ZC3H12B: variants seen among roughly 807,000 people sequenced by gnomAD.
ZC3H12B encodes zinc finger CCCH-type containing 12B, also known as probable ribonuclease ZC3H12B.
In ZC3H12B, 7 loss-of-function variants were observed where a neutral mutation model predicts 43.9. That is an observed-to-expected ratio of 0.16 (90% CI 0.09 to 0.30). ZC3H12B has a LOEUF of 0.30. Ranked by LOEUF, ZC3H12B falls within the 10% of genes least tolerant of loss-of-function variation. The probability of loss-of-function intolerance (pLI) is 1.00; values close to 1 mark genes in which losing one functional copy is unlikely to be tolerated. For missense variants in ZC3H12B, 475 were observed against 670.2 expected (o/e 0.71, Z 3.22); for synonymous variants, 222 against 241.7 (o/e 0.92, Z 0.76).
chrX:65,146,980 T>C, the ZC3H12B span, among the ~76,000 whole-genome samples: 17 of 112,122 alleles, frequency 1.5e-4, no homozygotes, highest in African/African-American at 5.5e-4. Flanking sequence ...AGCCTCCACA[T>C]GCCACTCTGT....
chrX:65,136,894 A>G, the ZC3H12B span, among the ~76,000 whole-genome samples: 13 of 112,160 alleles, frequency 1.2e-4, no homozygotes, highest in East Asian at 2.8e-4. Flanking sequence ...AAAGTGGACC[A>G]TGTGATTTAA....
At chrX:65,073,233 A>G in the ZC3H12B span, among the ~76,000 whole-genome samples, 1 of 112,919 alleles carries the variant, frequency 8.9e-6, no homozygotes, top group African/African-American at 3.2e-5. Context: ...GGTGGGACAG[A>G]GAAGGCAAAG....
the ZC3H12B span, among the ~76,000 whole-genome samples, chrX:65,126,664 C>T: frequency 9.6e-5 from 10 of 104,073 alleles, no homozygotes; most frequent in African/African-American, 1.5e-4. Context: ...CCAAAGCTTC[C>T]GGAGGTTTTG....
the ZC3H12B span, among the ~76,000 whole-genome samples, chrX:65,123,305 A>G: frequency 9.0e-6 from 1 of 111,125 alleles, no homozygotes. Flanking sequence ...AAGCTTTTTG[A>G]TGTGCTGCTG....
At chrX:65,384,604 A>T (rs765418816) in intron 2 of ZC3H12B, among the ~76,000 whole-genome samples, 33 of 111,360 alleles carry the variant, frequency 3.0e-4, no homozygotes, top group Middle Eastern at 4.6e-3. Context: ...GCTATAGTTT[A>T]AAAAAAATGG....
At chrX:65,236,844 A>T in the ZC3H12B span, among the ~76,000 whole-genome samples, 2 of 111,800 alleles carry the variant, frequency 1.8e-5, no homozygotes, top group African/African-American at 6.5e-5. Context: ...TTTGTCATAG[A>T]TCAGATGGTT....
chrX:65,137,963 G>A, the ZC3H12B span, among the ~76,000 whole-genome samples: 10 of 111,730 alleles, frequency 9.0e-5, no homozygotes, highest in African/African-American at 3.2e-4. Flanking sequence ...CGAGTAGCTG[G>A]GATTGCAGGC....
chrX:65,180,017 G>A, the ZC3H12B span, among the ~76,000 whole-genome samples: 73 of 111,544 alleles, frequency 6.5e-4, no homozygotes, highest in African/African-American at 1.8e-3. Flanking sequence ...GGCCGGCATC[G>A]TCCTGATACC....
the ZC3H12B span, among the ~76,000 whole-genome samples, chrX:65,294,041 G>A: frequency 9.0e-6 from 1 of 111,391 alleles, no homozygotes; most frequent in Non-Finnish European, 1.9e-5. Context: ...TCATCAACTA[G>A]CCACATAATC....
At chrX:65,075,910 C>T in the ZC3H12B span, among the ~76,000 whole-genome samples, 2 of 111,501 alleles carry the variant, frequency 1.8e-5, no homozygotes, top group African/African-American at 3.3e-5. Context: ...GAGACCATGG[C>T]GAGTGAGTAC....
intron 3 of ZC3H12B, among the ~76,000 whole-genome samples, chrX:65,448,937 A>AAAAGAAAGAAAGAAAGAAAAAG (rs1335224449): frequency 0.03 from 797 of 26,837 alleles, 22 homozygotes; most frequent in Middle Eastern, 0.18. Flanking sequence ...AAAGAGAAGG[A>AAAAGAAAGAAAGAAAGAAAAAG]AAAGAAAGAA....
chrX:65,426,501 G>C (rs760321393), intron 3 of ZC3H12B, among the ~76,000 whole-genome samples: 3 of 100,875 alleles, frequency 3.0e-5, no homozygotes, highest in Non-Finnish European at 6.0e-5. Context: ...GTTATTTCTT[G>C]TCTCCTGCTA....
At chrX:65,171,786 T>C in the ZC3H12B span, among the ~76,000 whole-genome samples, 3 of 111,169 alleles carry the variant, frequency 2.7e-5, no homozygotes, top group Non-Finnish European at 5.7e-5. Flanking sequence ...CAGTTCGATC[T>C]CAGACTGCTG....
intron 3 of ZC3H12B, among the ~76,000 whole-genome samples, chrX:65,420,678 C>T (rs1395737567): frequency 9.0e-6 from 1 of 110,940 alleles, no homozygotes; most frequent in Non-Finnish European, 1.9e-5. Flanking sequence ...TCCAAAAGCA[C>T]ACAAATAGAC....
chrX:65,078,385 G>C, the ZC3H12B span, among the ~76,000 whole-genome samples: 1 of 112,126 alleles, frequency 8.9e-6, no homozygotes, highest in Non-Finnish European at 1.9e-5. Flanking sequence ...ACATTCCAAC[G>C]TTTCAAGTTC....
the ZC3H12B span, among the ~76,000 whole-genome samples, chrX:65,262,520 C>T: frequency 9.0e-6 from 1 of 111,019 alleles, no homozygotes; most frequent in Non-Finnish European, 1.9e-5. Flanking sequence ...ATAGTTTTAT[C>T]GTGGTAAGGA....
chrX:65,299,811 G>T, the ZC3H12B span, among the ~76,000 whole-genome samples: 3 of 112,350 alleles, frequency 2.7e-5, no homozygotes, highest in African/African-American at 9.7e-5. Flanking sequence ...GAGGCTCCAT[G>T]AGATAGCTAA....
At chrX:65,477,359 CATT>C (rs2068006940) in intron 3 of ZC3H12B, among the ~76,000 whole-genome samples, 1 of 95,197 alleles carries the variant, frequency 1.1e-5, no homozygotes, top group African/African-American at 6.1e-5. Flanking sequence ...GTTAAACAAG[CATT>C]ATACACACAC....
At chrX:65,293,608 G>T in the ZC3H12B span, among the ~76,000 whole-genome samples, 2 of 109,033 alleles carry the variant, frequency 1.8e-5, no homozygotes, top group Non-Finnish European at 3.8e-5. Flanking sequence ...AAAAAAAAAA[G>T]ATACAGGGAA....
Sources: allele counts gnomAD v4.1 joint callset (sites outside exome capture counted in the v4.1 genomes callset), GRCh38; gene constraint gnomAD v4.1.1; transcripts MANE v1.5; gene names NCBI Gene and HGNC (gene_info 2026-07-23, HGNC 2026-07-21).